SP110: variants seen among roughly 807,000 people sequenced by gnomAD.
The protein encoded by SP110 is SP110 nuclear body protein, also known as interferon-induced protein 41, 30kD.
In SP110, 62 loss-of-function variants were observed where a neutral mutation model predicts 92.7. The ratio of observed to expected loss-of-function variants is 0.67; its 90% CI spans 0.55 to 0.83. The LOEUF (loss-of-function observed/expected upper bound fraction) is 0.83, where lower values mean the gene tolerates loss of function less well. SP110 is among the 40% of genes least tolerant of loss of function. SP110 has a pLI of 0.00. For synonymous variants in SP110, 273 were observed against 305.3 expected (o/e 0.89, Z 1.10); for missense variants, 793 against 863.9 (o/e 0.92, Z 1.03).
chr2:230,184,106 G>C (rs1019879450), intron 11 of SP110, among the ~76,000 whole-genome samples: 2 of 152,166 alleles, frequency 1.3e-5, no homozygotes, highest in African/African-American at 4.8e-5. Context: ...TCGCATCCCC[G>C]AGTGGGATAC....
At chr2:230,177,119 A>C (rs1408094341) in intron 14 of SP110, among the ~76,000 whole-genome samples, 1 of 152,162 alleles carries the variant, frequency 6.6e-6, no homozygotes, top group Non-Finnish European at 1.5e-5. Flanking sequence ...GGACAGGAAT[A>C]GTGTGCTGTG....
chr2:230,213,916 C>G (rs1175785549), intron 3 of SP110: 1 of 152,332 alleles, frequency 6.6e-6, no homozygotes, highest in Non-Finnish European at 1.5e-5. Flanking sequence ...GGACTTGCCC[C>G]TTTCACTGTC....
chr2:230,214,185 C>T (rs1033114848), intron 3 of SP110: 14 of 152,270 alleles, frequency 9.2e-5, no homozygotes, highest in African/African-American at 3.4e-4. Flanking sequence ...TGTTCTTTTT[C>T]CTACTCCTTT....
intron 16 of SP110, 66 bp downstream of exon 16, chr2:230,172,000 T>C: frequency 1.0e-6 from 1 of 996,936 alleles, no homozygotes; most frequent in Non-Finnish European, 1.6e-6. Context: ...GCCCTGACCC[T>C]GTGCCTGTTT....
chr2:230,169,717 G>T (rs1208522680), intron 18 of SP110, among the ~76,000 whole-genome samples: 1 of 152,188 alleles, frequency 6.6e-6, no homozygotes, highest in Non-Finnish European at 1.5e-5. Context: ...CCAGCTGGTT[G>T]TTAATTTCCA....
chr2:230,172,199 C>A (rs375499147), intron 15 of SP110, 25 bp from the exon 16 acceptor site: 1 of 1,425,080 alleles, frequency 7.0e-7, no homozygotes, highest in Non-Finnish European at 9.9e-7. Context: ...ACAAGGTGAG[C>A]AGAGGGCAAA....
intron 1 of SP110, among the ~76,000 whole-genome samples, chr2:230,217,602 G>T (rs1442739319): frequency 1.3e-5 from 2 of 152,188 alleles, no homozygotes; most frequent in African/African-American, 4.8e-5. Context: ...CTTGCGAGGT[G>T]GTTCCTATGA....
At position 230,170,617 on chromosome 2, in the gene SP110, T is replaced by C. The variant is rs1035643349; in HGVS notation, c.2028+4A>G. 1 of 1,614,052 alleles carries C rather than the reference T, an allele frequency of 6.2e-7. No individual in the cohort carries two copies. Among genetic ancestry groups the C allele is most frequent in the African/African-American group, 1.3e-5 (1 of 74,914 alleles). ...GCAAAAAGGAAGCAGGAAATGCTCT[T>C]TACCTTGTAAAATGTTTTATGGTTG... On this transcript the variant is annotated splice_donor_region_variant and intron_variant, in intron 18 of 18. Coordinates refer to ENST00000258381, the MANE Select transcript of SP110 (RefSeq NM_080424.4).
rs2044474944 is a variant in SP110 at position 230,211,511 on chromosome 2, T to C, written c.710A>G (p.Asp237Gly). ...NLIPQIRDKE[D>G]PQEMPHSPLG... ...GGGAGAGTGGGGCATCTCTTGAGGG[T>C]CTTCTTTATCTCTTATTTGGGGGAT... The change falls in exon 6 of 19, where the codon GAC becomes GGC. Residue 237 changes from aspartate to glycine, a missense_variant. Coordinates refer to ENST00000258381, the MANE Select transcript of SP110 (RefSeq NM_080424.4). The surrounding 1 kb of genome is among the most constrained non-coding windows in gnomAD (Gnocchi z 4.2). 1 of 1,612,326 alleles carries C rather than the reference T, an allele frequency of 6.2e-7. No homozygotes were observed. The highest frequency in any genetic ancestry group is 8.5e-7 in the Non-Finnish European group (1 of 1,178,372).
chr2:230,193,105 G>T (rs1438692832), intron 10 of SP110, among the ~76,000 whole-genome samples: 1 of 152,078 alleles, frequency 6.6e-6, no homozygotes, highest in Admixed American at 6.6e-5. Context: ...ATTATATAAT[G>T]ACCTTCTTTG....
chr2:230,180,117 G>A (rs1414580228), intron 12 of SP110, among the ~76,000 whole-genome samples: 3 of 152,148 alleles, frequency 2.0e-5, no homozygotes, highest in Non-Finnish European at 4.4e-5. Flanking sequence ...CTGCAGCAGC[G>A]GTGAGTTTAG....
chr2:230,225,626 G>A, exon 1 of SP110: 1 of 601,178 alleles, frequency 1.7e-6, no homozygotes, highest in Non-Finnish European at 3.0e-6. Flanking sequence ...TGGCCTCGTG[G>A]GGCTGGCTCT....
intron 11 of SP110, among the ~76,000 whole-genome samples, chr2:230,185,386 C>T (rs1181647008): frequency 9.9e-5 from 15 of 152,180 alleles, no homozygotes; most frequent in African/African-American, 3.6e-4. Context: ...TGTTTGATCA[C>T]CTGCCAAGTG....
intron 17 of SP110, 53 bp downstream of exon 17, chr2:230,171,643 C>T (rs963645193): frequency 7.2e-7 from 1 of 1,388,142 alleles, no homozygotes; most frequent in African/African-American, 1.4e-5. Flanking sequence ...CAGATCAGCC[C>T]CCAAATTTCT....
At position 230,176,483 on chromosome 2, in the gene SP110, C is replaced by T; in HGVS notation, c.1590+1055G>A. 6 of 1,476,240 alleles carry T rather than the reference C, an allele frequency of 4.1e-6. No homozygotes were observed. In the Admixed American group the frequency reaches 7.5e-5, roughly 18 times the overall value. The allele number at this position is 1,476,240 out of a possible 1,614,324, so 91.4% of individuals were successfully genotyped here. A position where few individuals can be genotyped will look rare whatever the true frequency, so the allele number is the denominator to read the frequency against. On this transcript the variant is annotated intron_variant, in intron 14 of 18. Coordinates refer to ENST00000258381, the MANE Select transcript of SP110 (RefSeq NM_080424.4). ...AACACATGGACATGATGAGCTTTTT[C>T]ATTTAATTTTTATTTTAGAGTCATT... is the stretch of plus-strand genomic sequence containing the variant.
At chr2:230,183,491 A>C (rs2042217703) in intron 12 of SP110, 81 bp downstream of exon 12, 2 of 894,754 alleles carry the variant, frequency 2.2e-6, no homozygotes, top group Admixed American at 3.4e-5. Flanking sequence ...AGAGAGAAGA[A>C]GGAGAGGGCG....
At chr2:230,199,708 A>C (rs895564183) in intron 10 of SP110, among the ~76,000 whole-genome samples, 3 of 152,162 alleles carry the variant, frequency 2.0e-5, no homozygotes, top group Non-Finnish European at 4.4e-5. Context: ...TCTTCTTCAC[A>C]CTTATGCTCT....
At position 230,213,156 on chromosome 2, in the gene SP110, G is replaced by C. The variant is rs959427901; in HGVS notation, c.317-129C>G. The C allele has an allele frequency of 3.5e-6, 3 of 858,078 alleles. No homozygotes were observed. In the African/African-American group the frequency reaches 5.0e-5, roughly 14 times the overall value. 53.2% of individuals were successfully genotyped at this position (858,078 alleles called of 1,614,324 possible). On this transcript the variant is annotated intron_variant, in intron 3 of 18. Coordinates refer to ENST00000258381, the MANE Select transcript of SP110 (RefSeq NM_080424.4). The stretch of plus-strand genomic sequence containing the variant: ...CTATTCATTGTCCCCCAGGTGCAGA[G>C]AACTGATTCATTGTCATCATTATCC...
chr2:230,189,635 T>C (rs6743028), intron 10 of SP110, among the ~76,000 whole-genome samples: 116,684 of 152,092 alleles, frequency 0.77, 44,880 homozygotes, highest in Admixed American at 0.83. Flanking sequence ...TACATAGGTA[T>C]GCATGTGCCA....
Sources: gnomAD v4.1 joint callset for allele counts (sites outside exome capture counted in the v4.1 genomes callset) on GRCh38, gnomAD v4.1.1 for gene constraint, Gnocchi (gnomAD v3.1) non-coding constraint, MANE v1.5 for transcripts, NCBI Gene and HGNC (gene_info 2026-07-23, HGNC 2026-07-21) for gene names.